Variants in UBR7 observed in about 807,000 individuals in gnomAD.
UBR7 encodes putative E3 ubiquitin-protein ligase UBR7.
UBR7 carries 22 observed loss-of-function variants against 57.0 expected under a neutral mutation model. The ratio of observed to expected loss-of-function variants is 0.39; its 90% confidence interval spans 0.28 to 0.55. The LOEUF is 0.55. Ranked by LOEUF, UBR7 falls within the 20% of genes least tolerant of loss-of-function variation. UBR7 has a pLI of 0.69. For missense variants in UBR7, 395 were observed against 513.2 expected, an observed-to-expected ratio of 0.77 and a Z score of 2.23; for synonymous variants, 167 against 179.8, an observed-to-expected ratio of 0.93 and a Z score of 0.57.
intron 9 of UBR7, among the ~76,000 whole-genome samples, chr14:93,221,679 T>C (rs1232534090): frequency 6.6e-6 from 1 of 152,114 alleles, no homozygotes; most frequent in African/African-American, 2.4e-5. Context: ...ATATAAACTG[T>C]TAAGTGAGTC....
Position 93,228,520 on chromosome 14 carries a change from A to T in UBR7, c.*1485A>T. 1 of 454,126 alleles carries T rather than the reference A, an allele frequency of 2.2e-6. No homozygotes were observed. Among genetic ancestry groups the T allele is most frequent in the East Asian group, 6.9e-5 (1 of 14,390 alleles). The allele number at this position is 454,126 out of a possible 1,614,324, so 28.1% of individuals were successfully genotyped here. A position where few individuals can be genotyped will look rare whatever the true frequency, so the allele number is the denominator to read the frequency against. Reference sequence around the variant, plus strand: ...AGGCCTTATAAAAAGTCAAAGCCTCAAAGAAATGGCACAACCATGTTCTTC... The same window carrying T: ...AGGCCTTATAAAAAGTCAAAGCCTCTAAGAAATGGCACAACCATGTTCTTC... On this transcript the variant is annotated 3_prime_UTR_variant, in exon 11 of 11. Transcript: ENST00000013070.
At position 93,229,083 on chromosome 14, in the gene UBR7, A is replaced by G. The variant is rs916381486; in HGVS notation, c.*2048A>G. 7.9e-6 allele frequency: 3 copies of G among 380,928 alleles called. No individual in the cohort carries two copies. The highest frequency in any genetic ancestry group is 4.2e-5 in the African/African-American group (2 of 47,296). 23.6% of individuals were successfully genotyped at this position (380,928 alleles called of 1,614,324 possible). On this transcript the variant is annotated 3_prime_UTR_variant, in exon 11 of 11. Coordinates refer to ENST00000013070, the MANE Select transcript of UBR7 (RefSeq NM_175748.4). ...AATGCATGTTTTATGCAAAACACAAATATGATATTAGTTGCTTTTAAGGAG... is the reference window on the plus strand; with the variant it reads ...AATGCATGTTTTATGCAAAACACAAGTATGATATTAGTTGCTTTTAAGGAG...
intron 4 of UBR7, 125 bp downstream of exon 4, chr14:93,212,252 T>C (rs1447430152): frequency 1.0e-5 from 7 of 690,686 alleles, no homozygotes; most frequent in Non-Finnish European, 1.8e-5. Context: ...GCTCTAGATT[T>C]ATCTTTTCTT....
Position 93,222,298 on chromosome 14 carries a change from G to A in UBR7, c.1124-15G>A, listed in dbSNP as rs755437067. On this transcript the variant is annotated splice_polypyrimidine_tract_variant and intron_variant, in intron 9 of 10. Transcript: ENST00000013070. ...GGTTTATCTAAACTTAAATACTTTT[G>A]TGGTTTTGATTTAGAATACAATGAT... The A allele has an allele frequency of 2.2e-5, 35 of 1,579,632 alleles. No individual in the cohort carries two copies. The highest frequency in any genetic ancestry group is 3.0e-5 in the Non-Finnish European group (34 of 1,148,774).
chr14:93,215,689 C>CAAAAAAA (rs34666080), intron 6 of UBR7, among the ~76,000 whole-genome samples: 1 of 71,826 alleles, frequency 1.4e-5, no homozygotes. Context: ...ACTCCATCCT[C>CAAAAAAA]AAAAAAAAAA....
intron 10 of UBR7, chr14:93,224,237 A>AC (rs1038084344): frequency 4.0e-6 from 2 of 494,606 alleles, no homozygotes; most frequent in African/African-American, 4.0e-5. Flanking sequence ...GAATTTCTGG[A>AC]CAGGGTCACA....
At chr14:93,212,476 C>G (rs989172438) in intron 4 of UBR7, among the ~76,000 whole-genome samples, 1 of 152,180 alleles carries the variant, frequency 6.6e-6, no homozygotes, top group Admixed American at 6.6e-5. Flanking sequence ...GGTATACAAA[C>G]AGCATCCTCT....
Position 93,228,552 on chromosome 14 carries a change from C to G in UBR7, c.*1517C>G, listed in dbSNP as rs1011519800. On this transcript the variant is annotated 3_prime_UTR_variant, in exon 11 of 11. Transcript: ENST00000013070. ...TGGCACAACCATGTTCTTCGGCACT[C>G]AGGCTCCTAATTGCAGATCCTCACG... 2.9e-5 allele frequency: 13 copies of G among 453,962 alleles called. No individual in the cohort carries two copies. The highest frequency in any genetic ancestry group is 1.6e-4 in the African/African-American group (8 of 49,982). 28.1% of individuals were successfully genotyped at this position (453,962 alleles called of 1,614,324 possible). A position where few individuals can be genotyped will look rare whatever the true frequency, so the allele number is the denominator to read the frequency against.
In UBR7 at chr14:93,215,275, T is replaced by C; in HGVS notation, c.595T>C (p.Leu199=). ...TTTTTTGTGGGCTTATGCTGCACAA[T>C]TGGCAGGTAGGTATCTTTGTGAAGT... ...CSFLWAYAAQ[L]AVTKISTEDD... The change falls in exon 6 of 11, where the codon TTG becomes CTG. Residue 199 remains leucine (L), a synonymous_variant. Coordinates refer to ENST00000013070, the MANE Select transcript of UBR7 (RefSeq NM_175748.4). 1.3e-6 allele frequency: 2 copies of C among 1,573,892 alleles called. No individual in the cohort carries two copies. Among genetic ancestry groups the C allele is most frequent in the Non-Finnish European group, 8.6e-7 (1 of 1,158,304 alleles).
chr14:93,207,538 C>T (rs1894390344), intron 1 of UBR7, 97 bp downstream of exon 1: 1 of 1,429,204 alleles, frequency 7.0e-7, no homozygotes, highest in East Asian at 2.5e-5. Context: ...CAGTCGTCTC[C>T]CCAGTGGTGG....
In UBR7 at chr14:93,222,296, T is replaced by C; in HGVS notation, c.1124-17T>C. 3 of 1,576,726 alleles carry C rather than the reference T, an allele frequency of 1.9e-6. No individual in the cohort carries two copies. Among genetic ancestry groups the C allele is most frequent in the Middle Eastern group, 1.7e-4 (1 of 5,982 alleles). ...ATGGTTTATCTAAACTTAAATACTT[T>C]TGTGGTTTTGATTTAGAATACAATG... is the stretch of plus-strand genomic sequence containing the variant. On this transcript the variant is annotated splice_polypyrimidine_tract_variant and intron_variant, in intron 9 of 10. Transcript: ENST00000013070.
At position 93,209,824 on chromosome 14, in the gene UBR7, G is replaced by A. The variant is rs760791730; in HGVS notation, c.151G>A (p.Gly51Ser). Residue 51 changes from glycine (G) to serine (S), a missense_variant and splice_region_variant, in exon 2 of 11, where the codon GGC becomes AGC. Physicochemically the swap from Gly to Ser is moderately conservative, Grantham distance 56 (BLOSUM62 0). Transcript: ENST00000013070. ...TCTTTTCCATTTTGGGGGCTTTCAG[G>A]GCTCAGTAAAGAGACAAGCACTATA... Reference protein sequence around the residue: ...SDSEKCSYSQGSVKRQALYAC... With the variant: ...SDSEKCSYSQSSVKRQALYAC... 6.2e-7 allele frequency: 1 copy of A among 1,613,568 alleles called. No individual in the cohort carries two copies. Among genetic ancestry groups the A allele is most frequent in the Non-Finnish European group, 8.5e-7 (1 of 1,179,758 alleles).
At chr14:93,211,679 C>T (rs967007755) in intron 3 of UBR7, among the ~76,000 whole-genome samples, 3 of 151,962 alleles carry the variant, frequency 2.0e-5, no homozygotes, top group Non-Finnish European at 4.4e-5. Context: ...ATAGTGAGAC[C>T]CCATCTCTAT....
chr14:93,223,886 TAGCTC>T, intron 10 of UBR7: 6 of 737,220 alleles, frequency 8.1e-6, no homozygotes, highest in Non-Finnish European at 1.5e-5. Flanking sequence ...CCGGGAGTCA[TAGCTC>T]AGCCAGATGC....
chr14:93,223,589 G>GCC, intron 10 of UBR7: 1 of 966,746 alleles, frequency 1.0e-6, no homozygotes, highest in East Asian at 2.6e-5. Flanking sequence ...CCGGGCGAGG[G>GCC]CCCTGCCCCT....
intron 10 of UBR7, among the ~76,000 whole-genome samples, chr14:93,225,502 G>A (rs1039336795): frequency 1.3e-5 from 2 of 151,002 alleles, no homozygotes; most frequent in South Asian, 2.1e-4. Context: ...GCATGGTGAC[G>A]TGTGCCTGTG....
In UBR7 at chr14:93,207,282, A is replaced by G. The variant is rs1192767235; in HGVS notation, c.-10A>G. 2.6e-6 allele frequency: 4 copies of G among 1,552,584 alleles called. No individual in the cohort carries two copies. The highest frequency in any genetic ancestry group is 3.5e-6 in the Non-Finnish European group (4 of 1,148,254). On this transcript the variant is annotated 5_prime_UTR_variant, in exon 1 of 11. Coordinates refer to ENST00000013070, the MANE Select transcript of UBR7 (RefSeq NM_175748.4). ...CCGGGGCCGAGCCGCTGTTCGGCTG[A>G]CAGTTGAGGATGGCCGGAGCCGAGG...
intron 6 of UBR7, among the ~76,000 whole-genome samples, chr14:93,216,504 C>A (rs1409081794): frequency 6.6e-6 from 1 of 152,150 alleles, no homozygotes; most frequent in Non-Finnish European, 1.5e-5. Context: ...TTCATAATTT[C>A]TTGCCTTTCT....
intron 10 of UBR7, among the ~76,000 whole-genome samples, chr14:93,224,372 C>CTTTTTTT (rs761189322): frequency 3.2e-5 from 3 of 93,794 alleles, no homozygotes; most frequent in Admixed American, 2.4e-4. Context: ...CCTTACAGTT[C>CTTTTTTT]TTTTTTTTTT....
Sources: allele counts gnomAD v4.1 joint callset (sites outside exome capture counted in the v4.1 genomes callset), GRCh38; gene constraint gnomAD v4.1.1; transcripts MANE v1.5; gene names NCBI Gene and HGNC (gene_info 2026-07-23, HGNC 2026-07-21).